Variants in SLC2A12 observed in about 807,000 individuals in gnomAD.
The protein encoded by SLC2A12 is solute carrier family 2, facilitated glucose transporter member 12.
A neutral mutation model predicts 41.8 loss-of-function variants in SLC2A12; 23 were observed. The observed-to-expected ratio is 0.55, with a 90% CI of 0.40 to 0.78. The LOEUF (loss-of-function observed/expected upper bound fraction) is 0.78. Among genes scored for constraint, SLC2A12 ranks in the 30% least tolerant of loss-of-function variants. SLC2A12 has a pLI of 0.00. For synonymous variants in SLC2A12, 295 were observed against 285.9 expected, an observed-to-expected ratio of 1.03 and a Z score of -0.32; for missense variants, 654 against 745.6, an observed-to-expected ratio of 0.88 and a Z score of 1.43.
rs757426868 is a variant in SLC2A12 at position 134,002,082 on chromosome 6, G to C, written c.1615C>G (p.Leu539Val). The C allele has an allele frequency of 1.2e-6, 2 of 1,602,310 alleles. No individual in the cohort carries two copies. The highest frequency in any genetic ancestry group is 2.7e-5 in the African/African-American group (2 of 73,976). Reference sequence around the variant, plus strand: ...ATAACAACAAAAAGCAGGGATGCTAGACTCATGATTGTATATATAAAGCAC... The same window carrying C: ...ATAACAACAAAAAGCAGGGATGCTACACTCATGATTGTATATATAAAGCAC... ...WVCFIYTIMS[L>V]ASLLFVVMFI... The change falls in exon 4 of 5, where the codon CTA (leucine) becomes GTA (valine). Residue 539 changes from leucine to valine, a missense_variant. Transcript: ENST00000275230.
At chr6:134,040,682 A>G (rs1777370993) in intron 1 of SLC2A12, among the ~76,000 whole-genome samples, 1 of 152,236 alleles carries the variant, frequency 6.6e-6, no homozygotes, top group Non-Finnish European at 1.5e-5. Context: ...GCTTGGGACA[A>G]GGATTTATCC....
rs150004654 is a variant in SLC2A12, at chr6:133,992,182, C to T, written c.1701-874G>A. On this transcript the variant is annotated intron_variant, in intron 4 of 4. Coordinates refer to ENST00000275230, the MANE Select transcript of SLC2A12 (RefSeq NM_145176.3). ...GGATGGGAAATACTGCAGCTTTGTG[C>T]GTGTGTGCGTGATGATAATCCCATA... Among the ~76,000 whole-genome samples, 8 of 152,100 alleles carry T rather than the reference C, an allele frequency of 5.3e-5. No individual in the cohort carries two copies. In the East Asian group the frequency reaches 1.2e-3, roughly 22 times the overall value.
rs1243224169 is a variant in SLC2A12, at chr6:134,039,545, CA to C, written c.104-9825del. On this transcript the variant is annotated intron_variant, in intron 1 of 4. Transcript: ENST00000275230. ...GCCAATAACCAGATTTGCAGCATTGCAAATAACCTAGCCCCTAAATTTGCAG... is the reference window on the plus strand; with the variant it reads ...GCCAATAACCAGATTTGCAGCATTGCAATAACCTAGCCCCTAAATTTGCAG... 2.2e-4 allele frequency among the ~76,000 whole-genome samples: 33 copies of C among 152,308 alleles called. No homozygotes were observed. The East Asian group carries it at 5.2e-3, about 24-fold the overall frequency.
At position 134,028,585 on chromosome 6, in the gene SLC2A12, G is replaced by A. The variant is rs374756596; in HGVS notation, c.1240C>T (p.His414Tyr). 7.4e-6 allele frequency: 12 copies of A among 1,614,064 alleles called. No individual in the cohort carries two copies. In the African/African-American group the frequency reaches 9.3e-5, roughly 13 times the overall value. Residue 414 changes from histidine to tyrosine, a missense_variant, in exon 2 of 5, where the codon CAT becomes TAT. His to Tyr is a moderately conservative substitution (Grantham distance 83). Coordinates refer to ENST00000275230, the MANE Select transcript of SLC2A12 (RefSeq NM_145176.3). The stretch of plus-strand genomic sequence containing the variant: ...AGGGGCATGAGTGAGCTTCTGCTAT[G>A]GGAAGAAATCCCTTTGAAGTGGTCT... ...LRDHFKGISS[H>Y]SRSSLMPLRN...
intron 1 of SLC2A12, among the ~76,000 whole-genome samples, chr6:134,046,523 G>A (rs898418031): frequency 1.4e-4 from 22 of 152,074 alleles, no homozygotes; most frequent in Admixed American, 1.4e-3. Context: ...TAATTAGGTG[G>A]GCAGCGGTGC....
At chr6:134,036,158 C>T (rs1027383736) in intron 1 of SLC2A12, among the ~76,000 whole-genome samples, 1 of 152,202 alleles carries the variant, frequency 6.6e-6, no homozygotes, top group East Asian at 1.9e-4. Flanking sequence ...CATGCACACA[C>T]AGGTGGTTTC....
chr6:134,048,505 G>T (rs964690835), intron 1 of SLC2A12, among the ~76,000 whole-genome samples: 1 of 152,106 alleles, frequency 6.6e-6, no homozygotes, highest in Non-Finnish European at 1.5e-5. Context: ...GGAGGCAGAG[G>T]TTGCAGTGAG....
intron 2 of SLC2A12, among the ~76,000 whole-genome samples, chr6:134,016,440 G>A (rs2114451138): frequency 6.6e-6 from 1 of 151,928 alleles, no homozygotes; most frequent in South Asian, 2.1e-4. Context: ...CCCCCTTCAT[G>A]TTGACCTGTA....
intron 2 of SLC2A12, among the ~76,000 whole-genome samples, chr6:134,018,440 C>G (rs900714665): frequency 2.6e-5 from 4 of 152,110 alleles, no homozygotes; most frequent in African/African-American, 4.8e-5. Flanking sequence ...AATACCAAAG[C>G]CTGGTCCACA....
intron 2 of SLC2A12, among the ~76,000 whole-genome samples, chr6:134,018,753 A>T (rs1286701768): frequency 1.9e-4 from 29 of 150,122 alleles, no homozygotes; most frequent in African/African-American, 6.8e-4. Flanking sequence ...AGGTGTGTTC[A>T]TTTTTTTTTT....
chr6:134,003,403 T>C (rs752141450), intron 3 of SLC2A12, among the ~76,000 whole-genome samples: 2 of 152,202 alleles, frequency 1.3e-5, no homozygotes, highest in Non-Finnish European at 2.9e-5. Flanking sequence ...TCTCATCAAA[T>C]TGTCCCCAGT....
chr6:134,018,911 C>T (rs1426395916), intron 2 of SLC2A12, among the ~76,000 whole-genome samples: 2 of 152,186 alleles, frequency 1.3e-5, no homozygotes, highest in African/African-American at 4.8e-5. Flanking sequence ...TCTATCTTCT[C>T]CTCTTCCTCA....
chr6:134,002,015 G>T lies in SLC2A12; in HGVS notation c.1682C>A (p.Ser561Ter). ...ETKGCSLEQI[S>*]MELAKVNYVK... ...TACTTACACTTTTGCTAGCTCCATTGATATTTGTTCCAAAGAGCATCCCTT... is the reference window on the plus strand; with the variant it reads ...TACTTACACTTTTGCTAGCTCCATTTATATTTGTTCCAAAGAGCATCCCTT... Residue 561 changes from serine (S) to a stop codon, truncating the protein, a stop_gained, in exon 4 of 5, where the codon TCA becomes TAA. Transcript: ENST00000275230. LOFTEE classifies it high-confidence loss of function. 6.2e-7 allele frequency: 1 copy of T among 1,608,790 alleles called. No homozygotes were observed. Among genetic ancestry groups the T allele is most frequent in the South Asian group, 1.1e-5 (1 of 90,202 alleles).
chr6:133,997,056 A>G (rs552045395), intron 4 of SLC2A12, among the ~76,000 whole-genome samples: 45 of 137,892 alleles, frequency 3.3e-4, no homozygotes, highest in Admixed American at 6.2e-4. Flanking sequence ...CCTGGCTAAC[A>G]CGGTGAAACC....
intron 1 of SLC2A12, among the ~76,000 whole-genome samples, chr6:134,030,745 C>T (rs112407014): frequency 2.0e-5 from 3 of 152,038 alleles, no homozygotes; most frequent in African/African-American, 2.4e-5. Flanking sequence ...GAGCCTGGAG[C>T]GGTAGGACGG....
intron 4 of SLC2A12, among the ~76,000 whole-genome samples, chr6:133,997,193 C>T (rs1776707494): frequency 6.6e-6 from 1 of 151,160 alleles, no homozygotes; most frequent in Non-Finnish European, 1.5e-5. Context: ...GGAGGCGGAG[C>T]TTACAGTGAG....
intron 1 of SLC2A12, among the ~76,000 whole-genome samples, chr6:134,042,460 C>T (rs1010626940): frequency 4.0e-5 from 6 of 149,478 alleles, no homozygotes; most frequent in Middle Eastern, 3.4e-3. Flanking sequence ...AGTGCTCTAT[C>T]GAATACAAAG....
At chr6:134,009,722 G>A (rs561060358) in intron 2 of SLC2A12, among the ~76,000 whole-genome samples, 17 of 150,572 alleles carry the variant, frequency 1.1e-4, no homozygotes, top group South Asian at 2.1e-4. Flanking sequence ...GCACATGCCC[G>A]TAGTCCCAAC....
intron 2 of SLC2A12, among the ~76,000 whole-genome samples, chr6:134,010,043 T>C (rs1776860329): frequency 6.6e-6 from 1 of 152,192 alleles, no homozygotes; most frequent in Non-Finnish European, 1.5e-5. Context: ...TGATGTTCTC[T>C]GGAAAGATGC....
Sources: gnomAD v4.1 joint callset for allele counts (sites outside exome capture counted in the v4.1 genomes callset) on GRCh38, gnomAD v4.1.1 for gene constraint, MANE v1.5 for transcripts, NCBI Gene and HGNC (gene_info 2026-07-23, HGNC 2026-07-21) for gene names.